The following SEM1 variants were observed in gnomAD, a reference collection of about 807,000 sequenced individuals.
SEM1 encodes the protein 26S proteasome complex subunit SEM1.
Under a neutral mutation model 12.7 loss-of-function variants are expected in SEM1, and 3 were observed. That is an observed-to-expected ratio of 0.24 (90% CI 0.11 to 0.61). The LOEUF (loss-of-function observed/expected upper bound fraction) is 0.61, where lower values mean the gene tolerates loss of function less well. SEM1 is among the 20% of genes least tolerant of loss of function. SEM1 has a pLI of 0.88. For missense variants in SEM1, 59 were observed against 81.3 expected (o/e 0.73, Z 1.06); for synonymous variants, 30 against 27.8 (o/e 1.08, Z -0.25).
In SEM1 at chr7:96,637,995, G is replaced by A. The variant is rs1471781389; in HGVS notation, c.171-15352C>T. Among the ~76,000 whole-genome samples the A allele has an allele frequency of 2.0e-5, 3 of 152,010 alleles. No homozygotes were observed. In the East Asian group the frequency reaches 5.8e-4, roughly 29 times the overall value. ...ACTTCTAGAGCAACCCTGTCACAGAGCTAATGGCTACCAATGAACAACAAA... is the reference window on the plus strand; with the variant it reads ...ACTTCTAGAGCAACCCTGTCACAGAACTAATGGCTACCAATGAACAACAAA... On this transcript the variant is annotated intron_variant, in intron 2 of 2. Transcript: ENST00000417009.
intron 2 of SEM1, among the ~76,000 whole-genome samples, chr7:96,512,364 C>A (rs560801446): frequency 1.3e-5 from 2 of 152,128 alleles, no homozygotes; most frequent in Non-Finnish European, 2.9e-5. Context: ...AGATTTATAA[C>A]AATTTTTAAA....
chr7:96,694,992 A>C, intron 1 of SEM1, 101 bp from the exon 2 acceptor site: 1 of 755,158 alleles, frequency 1.3e-6, no homozygotes, highest in Non-Finnish European at 2.2e-6. Flanking sequence ...CAATTCAAAA[A>C]CAGCTAAAAC....
chr7:96,685,028 T>C (rs1789721591), downstream of SEM1, among the ~76,000 whole-genome samples: 1 of 152,130 alleles, frequency 6.6e-6, no homozygotes. Context: ...GTGGTGCTAA[T>C]TGTCAGCTCT....
intron 1 of SEM1, among the ~76,000 whole-genome samples, chr7:96,709,282 A>C (rs1234456571): frequency 6.6e-6 from 1 of 152,248 alleles, no homozygotes; most frequent in Non-Finnish European, 1.5e-5. Context: ...GCATTGGCGT[A>C]ACTACTGACA....
At chr7:96,514,240 TTTTA>T (rs1042647758) in intron 2 of SEM1, among the ~76,000 whole-genome samples, 1 of 152,074 alleles carries the variant, frequency 6.6e-6, no homozygotes, top group African/African-American at 2.4e-5. Flanking sequence ...GCAGTTACCT[TTTTA>T]TTTATTTATT....
chr7:96,486,309 T>C, exon 2 of SEM1: 1 of 1,537,156 alleles, frequency 6.5e-7, no homozygotes. Flanking sequence ...CAGGGTCCTC[T>C]GGCCCGCTGA....
chr7:96,507,975 G>T (rs1803809763), intron 2 of SEM1, among the ~76,000 whole-genome samples: 1 of 151,968 alleles, frequency 6.6e-6, no homozygotes, highest in Non-Finnish European at 1.5e-5. Flanking sequence ...TTCCTAGTTT[G>T]CTTTTTGTGT....
Position 96,702,558 on chromosome 7 carries a change from T to C in SEM1, c.76+7130A>G, listed in dbSNP as rs142352774. Among the ~76,000 whole-genome samples, 245 of 152,294 alleles carry C rather than the reference T, an allele frequency of 1.6e-3. 2 individuals are homozygous for C. The highest frequency in any genetic ancestry group is 2.5e-3 in the Non-Finnish European group (167 of 68,022). ...TGGGACAATCTGAGAATCCAAATAA[T>C]AGTTACAAATTATAACCTACTGAGT... On this transcript the variant is annotated intron_variant, in intron 1 of 2. Transcript: ENST00000248566.
chr7:96,503,624 C>T (rs1803649010), intron 3 of SEM1: 1 of 152,078 alleles, frequency 6.6e-6, no homozygotes, highest in Non-Finnish European at 1.5e-5. Flanking sequence ...TGAAATAACA[C>T]AGGGTTTCCT....
intron 2 of SEM1, among the ~76,000 whole-genome samples, chr7:96,609,760 A>G (rs6963000): frequency 0.13 from 19,238 of 152,246 alleles, 1,262 homozygotes; most frequent in Middle Eastern, 0.2. Flanking sequence ...AGGGTAGCCT[A>G]TGAGGAAAGG....
intron 2 of SEM1, among the ~76,000 whole-genome samples, chr7:96,581,747 T>G (rs535200849): frequency 0.025 from 3,745 of 151,930 alleles, 139 homozygotes; most frequent in African/African-American, 0.085. Context: ...TGAATGGGAG[T>G]TCACTCATGA....
chr7:96,484,891 A>G, intron 2 of SEM1: 5 of 1,263,114 alleles, frequency 4.0e-6, no homozygotes, highest in Non-Finnish European at 5.2e-6. Context: ...AGTCTCTGGA[A>G]TCCAACTTTC....
At chr7:96,564,870 T>C (rs958298497) in intron 2 of SEM1, among the ~76,000 whole-genome samples, 2 of 152,042 alleles carry the variant, frequency 1.3e-5, no homozygotes, top group Non-Finnish European at 2.9e-5. Flanking sequence ...TCATCCTTAT[T>C]GTGTTTGTAT....
At chr7:96,657,757 C>T (rs908086180) in intron 2 of SEM1, among the ~76,000 whole-genome samples, 5 of 152,230 alleles carry the variant, frequency 3.3e-5, no homozygotes, top group Non-Finnish European at 5.9e-5. Context: ...TTTAGTGGCA[C>T]AGAGTGTGTC....
At chr7:96,676,912 T>G (rs1789463531) in intron 2 of SEM1, among the ~76,000 whole-genome samples, 1 of 152,228 alleles carries the variant, frequency 6.6e-6, no homozygotes, top group East Asian at 1.9e-4. Context: ...TCCTCCAGTC[T>G]TCCTTTCATG....
At chr7:96,523,974 G>A (rs1269315388) in intron 2 of SEM1, among the ~76,000 whole-genome samples, 6 of 151,896 alleles carry the variant, frequency 4.0e-5, no homozygotes, top group South Asian at 2.1e-4. Flanking sequence ...TCCCTTGGAC[G>A]TTCACAATAT....
At chr7:96,513,099 T>A (rs986111444) in intron 2 of SEM1, among the ~76,000 whole-genome samples, 2 of 152,076 alleles carry the variant, frequency 1.3e-5, no homozygotes, top group African/African-American at 2.4e-5. Flanking sequence ...CAGTCCAATA[T>A]AACCGTGTCC....
intron 2 of SEM1, among the ~76,000 whole-genome samples, chr7:96,668,176 G>A (rs1488017505): frequency 2.0e-5 from 3 of 152,200 alleles, no homozygotes; most frequent in Non-Finnish European, 2.9e-5. Flanking sequence ...TGCATACATA[G>A]TAGGTGTATA....
At chr7:96,632,891 A>G (rs1381514570) in intron 2 of SEM1, among the ~76,000 whole-genome samples, 1 of 150,322 alleles carries the variant, frequency 6.7e-6, no homozygotes, top group Non-Finnish European at 1.5e-5. Flanking sequence ...CCCCTTACCA[A>G]TCCTGTACCT....
Sources: allele counts gnomAD v4.1 joint callset (sites outside exome capture counted in the v4.1 genomes callset), GRCh38; gene constraint gnomAD v4.1.1; transcripts MANE v1.5; gene names NCBI Gene and HGNC (gene_info 2026-07-23, HGNC 2026-07-21).